Variants in UBR3 observed in about 807,000 individuals in gnomAD.
UBR3 encodes ubiquitin protein ligase E3 component n-recognin 3.
Under a neutral mutation model 243.2 loss-of-function variants are expected in UBR3, and 85 were observed. That is an observed-to-expected ratio of 0.35 (90% CI 0.29 to 0.42). The LOEUF (loss-of-function observed/expected upper bound fraction) is 0.42, where lower values mean the gene tolerates loss of function less well. Among genes scored for constraint, UBR3 ranks in the 10% least tolerant of loss-of-function variants. The pLI, the probability that UBR3 is intolerant of heterozygous loss-of-function variation, is 1.00. For synonymous variants in UBR3, 748 were observed against 799.8 expected, an observed-to-expected ratio of 0.94 and a Z score of 1.09; for missense variants, 1,686 against 2,300.8, an observed-to-expected ratio of 0.73 and a Z score of 5.47.
At chr2:169,991,130 A>G (rs1162534584) in intron 25 of UBR3, among the ~76,000 whole-genome samples, 1 of 152,198 alleles carries the variant, frequency 6.6e-6, no homozygotes, top group Non-Finnish European at 1.5e-5. Context: ...GAGATTATAT[A>G]TTGATAAACA....
intron 1 of UBR3, among the ~76,000 whole-genome samples, chr2:169,871,362 C>T (rs983373153): frequency 6.6e-6 from 1 of 151,586 alleles, no homozygotes; most frequent in Non-Finnish European, 1.5e-5. Context: ...ATTGCTTGAG[C>T]CCAGGACTTC....
chr2:169,984,484 T>C (rs2088904856), intron 24 of UBR3, among the ~76,000 whole-genome samples: 1 of 152,214 alleles, frequency 6.6e-6, no homozygotes, highest in Non-Finnish European at 1.5e-5. Context: ...TTCATGCTTT[T>C]GTTCTTTAAC....
At chr2:169,840,421 C>T (rs940045820) in intron 1 of UBR3, among the ~76,000 whole-genome samples, 3 of 152,242 alleles carry the variant, frequency 2.0e-5, no homozygotes, top group South Asian at 4.1e-4. Context: ...CACAAGGCTC[C>T]TCCGGGTGGC....
intron 26 of UBR3, among the ~76,000 whole-genome samples, chr2:169,996,094 G>A (rs973084714): frequency 3.3e-5 from 5 of 152,286 alleles, no homozygotes; most frequent in African/African-American, 1.2e-4. Context: ...AGTAAGATAA[G>A]TGGAAGACAG....
intron 25 of UBR3, among the ~76,000 whole-genome samples, chr2:169,993,331 T>C (rs182676970): frequency 9.8e-5 from 15 of 152,324 alleles, no homozygotes; most frequent in Admixed American, 9.2e-4. Flanking sequence ...TATACACATA[T>C]ACACTTATAT....
chr2:169,827,966 C>A lies in UBR3; in HGVS notation c.459C>A (p.Asp153Glu). Residue 153 changes from aspartate (D) to glutamate (E), a missense_variant, in exon 1 of 39, where the codon GAC becomes GAA. Asp to Glu is a conservative substitution (Grantham distance 45, BLOSUM62 2). Coordinates refer to ENST00000272793, the MANE Select transcript of UBR3 (RefSeq NM_172070.4). The stretch of plus-strand genomic sequence containing the variant: ...GCGCCGAGTGCTTCCACCAGGGCGA[C>A]CACACCGGACACGACTTCAACATGT... Reference protein sequence around the residue: ...SLCAECFHQGDHTGHDFNMFR... With the variant: ...SLCAECFHQGEHTGHDFNMFR... 1.4e-6 allele frequency: 2 copies of A among 1,469,020 alleles called. No individual in the cohort carries two copies. The highest frequency in any genetic ancestry group is 1.3e-5 in the South Asian group (1 of 77,516). 91.0% of individuals were successfully genotyped at this position (1,469,020 alleles called of 1,614,324 possible).
intron 31 of UBR3, among the ~76,000 whole-genome samples, chr2:170,034,453 T>G (rs2090771133): frequency 6.6e-6 from 1 of 152,070 alleles, no homozygotes. Context: ...TCACATTGGA[T>G]TCTTTCATTT....
chr2:169,998,362 G>C (rs552291754), intron 26 of UBR3, among the ~76,000 whole-genome samples: 1 of 152,098 alleles, frequency 6.6e-6, no homozygotes, highest in African/African-American at 2.4e-5. Context: ...AAAAGTCTCC[G>C]AGCTGAAATC....
At chr2:169,941,095 G>C (rs1217623184) in intron 19 of UBR3, among the ~76,000 whole-genome samples, 1 of 152,172 alleles carries the variant, frequency 6.6e-6, no homozygotes, top group Admixed American at 6.5e-5. Flanking sequence ...ATGACATGTT[G>C]TTAGAAGGTC....
intron 1 of UBR3, among the ~76,000 whole-genome samples, chr2:169,842,017 A>G (rs2082310939): frequency 6.6e-6 from 1 of 152,234 alleles, no homozygotes; most frequent in Non-Finnish European, 1.5e-5. Flanking sequence ...GGGGACGTGG[A>G]GAGTCTTTAT....
intron 23 of UBR3, among the ~76,000 whole-genome samples, chr2:169,950,866 GGAAA>G (rs2086993554): frequency 6.6e-6 from 1 of 151,286 alleles, no homozygotes; most frequent in Non-Finnish European, 1.5e-5. Context: ...TCAAACTCTT[GGAAA>G]GGGTTCAGTG....
At position 169,835,993 on chromosome 2, in the gene UBR3, G is replaced by GTCCCCCTC. The variant is rs1194152380; in HGVS notation, c.545+7943_545+7944insCCCCTCTC. 3.9e-3 allele frequency among the ~76,000 whole-genome samples: 121 copies of GTCCCCCTC among 30,714 alleles called. 11 individuals are homozygous for GTCCCCCTC. Among genetic ancestry groups the GTCCCCCTC allele is most frequent in the Middle Eastern group, 0.02 (1 of 50 alleles). 20.1% of individuals were successfully genotyped at this position (30,714 alleles called of 152,430 possible). On this transcript the variant is annotated intron_variant, in intron 1 of 38. Transcript: ENST00000272793. The stretch of plus-strand genomic sequence containing the variant: ...TTTTCCTGAAATTCCTGTGTGCACT[G>GTCCCCCTC]TCTCTCTCTCTCTCTCTCTCTCTCT...
intron 5 of UBR3, among the ~76,000 whole-genome samples, chr2:169,881,785 A>G (rs918600847): frequency 2.2e-5 from 3 of 138,550 alleles, no homozygotes; most frequent in South Asian, 2.2e-4. Flanking sequence ...TATAATATAT[A>G]TGTATATTTA....
chr2:169,890,534 G>GATAT (rs1329333538), intron 5 of UBR3, among the ~76,000 whole-genome samples: 5 of 17,466 alleles, frequency 2.9e-4, no homozygotes, highest in African/African-American at 8.8e-4. Context: ...AGGAGAGAGA[G>GATAT]AGAGAGATAT....
At chr2:169,881,720 ATATT>A (rs1156643013) in intron 5 of UBR3, among the ~76,000 whole-genome samples, 6 of 137,288 alleles carry the variant, frequency 4.4e-5, no homozygotes, top group Admixed American at 7.8e-5. Flanking sequence ...ATGTATATGT[ATATT>A]TATATTATAT....
At chr2:169,865,667 A>G (rs2083233742) in intron 1 of UBR3, among the ~76,000 whole-genome samples, 1 of 152,102 alleles carries the variant, frequency 6.6e-6, no homozygotes, top group South Asian at 2.1e-4. Flanking sequence ...TCTGCTTTCC[A>G]GCTCTCAATT....
chr2:170,046,778 G>A (rs1182675520), intron 32 of UBR3, among the ~76,000 whole-genome samples: 1 of 151,800 alleles, frequency 6.6e-6, no homozygotes, highest in Non-Finnish European at 1.5e-5. Context: ...CAGGTTAAAT[G>A]CTTGATTTTG....
At chr2:169,970,235 GT>G (rs531832498) in intron 24 of UBR3, among the ~76,000 whole-genome samples, 20,012 of 85,426 alleles carry the variant, frequency 0.23, 1,922 homozygotes, top group East Asian at 0.43. Context: ...TTGTTCCTAG[GT>G]TTTTTTTTTT....
At chr2:170,072,674 G>A (rs2091725723) in intron 35 of UBR3, among the ~76,000 whole-genome samples, 1 of 152,104 alleles carries the variant, frequency 6.6e-6, no homozygotes, top group African/African-American at 2.4e-5. Flanking sequence ...TGAGTGGTCT[G>A]AGGTTTCATT....
Sources: gnomAD v4.1 joint callset for allele counts (sites outside exome capture counted in the v4.1 genomes callset) on GRCh38, gnomAD v4.1.1 for gene constraint, MANE v1.5 for transcripts, NCBI Gene and HGNC (gene_info 2026-07-23, HGNC 2026-07-21) for gene names.